Variants in ACP4 observed in about 807,000 individuals in gnomAD.
The protein encoded by ACP4 is acid phosphatase 4.
ACP4 carries 49 observed loss-of-function variants against 47.3 expected under a neutral mutation model. That is an observed-to-expected ratio of 1.04 (90% CI 0.82 to 1.32). The LOEUF (loss-of-function observed/expected upper bound fraction) is 1.32, where lower values mean the gene tolerates loss of function less well. Among genes scored for constraint, ACP4 ranks in the 40% most tolerant of loss-of-function variants. ACP4 has a pLI of 0.00. For missense variants in ACP4, 594 were observed against 579.3 expected (o/e 1.03, Z -0.26); for synonymous variants, 299 against 265.3 (o/e 1.13, Z -1.23).
At chr19:50,792,628 G>A (rs2089519877) in intron 6 of ACP4, 2 of 251,286 alleles carry the variant, frequency 8.0e-6, no homozygotes, top group South Asian at 1.1e-4. Flanking sequence ...CCTATAATCA[G>A]AAAACCCAAA....
Position 50,790,533 on chromosome 19 carries a change from GC to G in ACP4, c.111+13del. The G allele has an allele frequency of 6.5e-7, 1 of 1,542,438 alleles. No individual in the cohort carries two copies. ...CTGGTGTTCGTGGCTCTGGTGAGGCGCCCCCACCCCGGCCTGCCCTTAGCTC... is the reference window on the plus strand; with the variant it reads ...CTGGTGTTCGTGGCTCTGGTGAGGCGCCCCACCCCGGCCTGCCCTTAGCTC... On this transcript the variant is annotated intron_variant, in intron 1 of 10. Coordinates refer to ENST00000270593, the MANE Select transcript of ACP4 (RefSeq NM_033068.3).
chr19:50,791,507 T>C (rs1451363280), intron 3 of ACP4, 149 bp from the exon 4 acceptor site: 84 of 1,215,110 alleles, frequency 6.9e-5, no homozygotes, highest in Non-Finnish European at 9.2e-5. Context: ...CTCTGGACCC[T>C]TGATCCCAAC....
intron 3 of ACP4, 110 bp from the exon 4 acceptor site, chr19:50,791,544 TCA>T: frequency 2.8e-6 from 4 of 1,424,630 alleles, no homozygotes; most frequent in Non-Finnish European, 3.8e-6. Context: ...CACATGATTC[TCA>T]GTGTCTGACC....
chr19:50,793,367 T>G (rs2089526110), intron 6 of ACP4: 1 of 285,674 alleles, frequency 3.5e-6, no homozygotes, highest in Non-Finnish European at 6.6e-6. Flanking sequence ...AAAAAAAAAT[T>G]AGCCAGGAAT....
rs368106101 is a variant in ACP4, at chr19:50,792,182, C to T, written c.549+11C>T. On this transcript the variant is annotated intron_variant, in intron 5 of 10. Coordinates refer to ENST00000270593, the MANE Select transcript of ACP4 (RefSeq NM_033068.3). ...CTGGAGGGCTGGACGGTGAGCAGGG[C>T]GGCGGTGGGGGGCGGGATGCAGGGG... The T allele has an allele frequency of 1.6e-4, 250 of 1,610,326 alleles. 2 individuals are homozygous for T. In the African/African-American group the frequency reaches 2.4e-3, roughly 16 times the overall value.
At position 50,794,754 on chromosome 19, in the gene ACP4, G is replaced by A. The variant is rs370451631; in HGVS notation, c.987-32G>A. ...CAGGCTTTAAGATCAATGACAGGAG[G>A]GAGGAGGTGCCACCATGTCCTCTCT... On this transcript the variant is annotated intron_variant, in intron 9 of 10. Transcript: ENST00000270593. 67 of 1,576,918 alleles carry A rather than the reference G, an allele frequency of 4.2e-5. No individual in the cohort carries two copies. The African/African-American group carries it at 6.1e-4, about 14-fold the overall frequency.
chr19:50,792,268 C>T lies in ACP4; in HGVS notation c.576C>T (p.Phe192=). ...WTGFLSRLEN[F]TGLSLVGEPL... ...GCTTCCTGAGTCGCCTGGAGAACTT[C>T]ACGGGACTGTCGCTGGTTGGAGAGC... The change falls in exon 6 of 11, where the codon TTC becomes TTT. Residue 192 remains phenylalanine, a synonymous_variant. Coordinates refer to ENST00000270593, the MANE Select transcript of ACP4 (RefSeq NM_033068.3). 1 of 1,613,474 alleles carries T rather than the reference C, an allele frequency of 6.2e-7. No homozygotes were observed. Among genetic ancestry groups the T allele is most frequent in the South Asian group, 1.1e-5 (1 of 91,086 alleles).
At chr19:50,794,333 G>A (rs766661934) in intron 8 of ACP4, 124 bp from the exon 9 acceptor site, 297 of 1,378,480 alleles carry the variant, frequency 2.2e-4, no homozygotes, top group Non-Finnish European at 2.7e-4. Context: ...CAGGATGGGA[G>A]GAAGGAGTAG....
At chr19:50,792,428 A>C (rs1599911337) in intron 6 of ACP4, 91 bp downstream of exon 6, 2 of 1,334,508 alleles carry the variant, frequency 1.5e-6, no homozygotes, top group East Asian at 4.9e-5. Context: ...TCAGGCATGT[A>C]GTTAATCCTC....
intron 9 of ACP4, 75 bp downstream of exon 9, chr19:50,794,656 G>A (rs2089540378): frequency 1.2e-6 from 2 of 1,608,004 alleles, no homozygotes; most frequent in South Asian, 1.1e-5. Context: ...TCAGGCAGAG[G>A]GCATGGCCAG....
chr19:50,794,381 T>C, intron 8 of ACP4, 76 bp from the exon 9 acceptor site: 1 of 1,574,300 alleles, frequency 6.4e-7, no homozygotes, highest in Non-Finnish European at 8.6e-7. Context: ...GGGGGACATC[T>C]GGATGCGCAA....
At position 50,791,705 on chromosome 19, in the gene ACP4, C is replaced by A; in HGVS notation, c.353C>A (p.Ala118Asp). 1 of 1,613,348 alleles carries A rather than the reference C, an allele frequency of 6.2e-7. No homozygotes were observed. The highest frequency in any genetic ancestry group is 2.2e-5 in the East Asian group (1 of 44,878). ...GACCGCACGCTGGAGAGTGCCCAGG[C>A]CAACCTTGCCGGGCTGTTTCCCGAG... ...DFDRTLESAQ[A>D]NLAGLFPEAA... The change falls in exon 4 of 11, where the codon GCC becomes GAC. Residue 118 changes from alanine (A) to aspartate (D), a missense_variant. By Grantham distance (126) the Ala-to-Asp change is moderately radical (BLOSUM62 -2). Transcript: ENST00000270593.
chr19:50,790,460 C>T lies in ACP4; in HGVS notation c.46C>T (p.Leu16=), dbSNP rs2089490977. The change falls in exon 1 of 11, where the codon CTG becomes TTG. Residue 16 remains leucine (L), a synonymous_variant. Coordinates refer to ENST00000270593, the MANE Select transcript of ACP4 (RefSeq NM_033068.3). ...FWGHPAGPLL[L]LLLLVLPPRA... ...GGGCCACCCTGCTGGACCTCTCCTG[C>T]TGCTGCTGCTGCTGGTGCTGCCACC... The T allele has an allele frequency of 1.9e-6, 3 of 1,571,880 alleles. No homozygotes were observed. Among genetic ancestry groups the T allele is most frequent in the Non-Finnish European group, 1.7e-6 (2 of 1,163,160 alleles).
intron 6 of ACP4, 185 bp from the exon 7 acceptor site, chr19:50,793,499 A>G (rs2089527241): frequency 1.1e-6 from 1 of 873,284 alleles, no homozygotes; most frequent in African/African-American, 1.7e-5. Context: ...TAGGTGATGG[A>G]GCAAGGCTCC....
In ACP4 at chr19:50,790,765, T is replaced by G. The variant is rs532357993; in HGVS notation, c.217-9T>G. 1.9e-6 allele frequency: 3 copies of G among 1,546,898 alleles called. No homozygotes were observed. In the East Asian group the frequency reaches 7.3e-5, roughly 38 times the overall value. On this transcript the variant is annotated splice_polypyrimidine_tract_variant and intron_variant, in intron 2 of 10. Transcript: ENST00000270593. The stretch of plus-strand genomic sequence containing the variant: ...GGGGAGTGGTAGGCTGAGGCTGTTC[T>G]GTCCCCAGGAGGGGGTCCGCCAGCA...
intron 4 of ACP4, 55 bp downstream of exon 4, chr19:50,791,857 A>G (rs2089511574): frequency 6.5e-7 from 1 of 1,532,858 alleles, no homozygotes; most frequent in Non-Finnish European, 8.8e-7. Context: ...AGAGAGAGGC[A>G]GCTCTGGGTC....
intron 4 of ACP4, 74 bp from the exon 5 acceptor site, chr19:50,791,999 C>G (rs941820857): frequency 2.7e-6 from 4 of 1,490,212 alleles, no homozygotes; most frequent in Non-Finnish European, 3.6e-6. Context: ...GCCGAGAGCC[C>G]GGGTTCCCCC....
chr19:50,794,492 G>T lies in ACP4; in HGVS notation c.897G>T (p.Leu299=). The change falls in exon 9 of 11, where the codon CTG becomes CTT. Residue 299 remains leucine, a synonymous_variant. Coordinates refer to ENST00000270593, the MANE Select transcript of ACP4 (RefSeq NM_033068.3). ...CCCTGCTGGCCCTCCAGGGGGCCCT[G>T]GGCCTCTATGATGGACACACCCCGC... ...DSTLLALQGA[L]GLYDGHTPPY... 6.2e-7 allele frequency: 1 copy of T among 1,613,746 alleles called. No individual in the cohort carries two copies. The highest frequency in any genetic ancestry group is 8.5e-7 in the Non-Finnish European group (1 of 1,179,972).
Position 50,794,814 on chromosome 19 carries a change from A to T in ACP4, c.1015A>T (p.Asn339Tyr), listed in dbSNP as rs1049745583. 6.2e-7 allele frequency: 1 copy of T among 1,609,068 alleles called. No individual in the cohort carries two copies. Residue 339 changes from asparagine (N) to tyrosine (Y), a missense_variant, in exon 10 of 11, where the codon AAT (asparagine) becomes TAT (tyrosine). By Grantham distance (143) the Asn-to-Tyr change is moderately radical. Coordinates refer to ENST00000270593, the MANE Select transcript of ACP4 (RefSeq NM_033068.3). ...GNVTVSLFYR[N>Y]DSAHLPLPLS... ...TGTCACCGTCTCCCTCTTCTACCGC[A>T]ATGACTCCGCCCACCTGCCCCTGCC...
Sources: gnomAD v4.1 joint callset for allele counts on GRCh38, gnomAD v4.1.1 for gene constraint, MANE v1.5 for transcripts, NCBI Gene and HGNC (gene_info 2026-07-23, HGNC 2026-07-21) for gene names.